The following TCF20 variants were observed in gnomAD, a reference collection of about 807,000 sequenced individuals.
TCF20 encodes the protein SPRE-binding protein.
Under a neutral mutation model 148.6 loss-of-function variants are expected in TCF20, and 3 were observed. The observed-to-expected ratio is 0.02, with a 90% CI of 0.01 to 0.05. TCF20 has a LOEUF of 0.05. Among genes scored for constraint, TCF20 ranks in the 10% least tolerant of loss-of-function variants. The probability of loss-of-function intolerance (pLI) is 1.00; values close to 1 mark genes in which losing one functional copy is unlikely to be tolerated. For synonymous variants in TCF20, 1,049 were observed against 909.5 expected (o/e 1.15, Z -2.76); for missense variants, 2,350 against 2,429.3 (o/e 0.97, Z 0.69).
At chr22:42,284,765 G>A (rs575064808), upstream of TCF20, among the ~76,000 whole-genome samples, 16 of 152,324 alleles carry the variant, frequency 1.1e-4, no homozygotes, top group African/African-American at 3.6e-4. Context: ...CAACAGCAGC[G>A]TCCGTTCCGA....
At chr22:42,197,232 T>C (rs999272049) in intron 2 of TCF20, among the ~76,000 whole-genome samples, 2 of 152,198 alleles carry the variant, frequency 1.3e-5, no homozygotes, top group African/African-American at 4.8e-5. Context: ...AGGAATAGTT[T>C]AGCCTCCACC....
At chr22:42,199,382 C>G (rs930998830) in intron 2 of TCF20, among the ~76,000 whole-genome samples, 1 of 152,084 alleles carries the variant, frequency 6.6e-6, no homozygotes, top group Admixed American at 6.6e-5. Flanking sequence ...TGTGGTAGCA[C>G]TTTGCCTAGC....
At chr22:42,238,960 A>T (rs141599201) in intron 1 of TCF20, among the ~76,000 whole-genome samples, 1 of 103,032 alleles carries the variant, frequency 9.7e-6, no homozygotes, top group Non-Finnish European at 2.3e-5. Flanking sequence ...TACTAAAAAT[A>T]CAAAAAAATT....
At chr22:42,167,401 C>T (rs1935853326) in intron 5 of TCF20, among the ~76,000 whole-genome samples, 1 of 152,216 alleles carries the variant, frequency 6.6e-6, no homozygotes, top group Non-Finnish European at 1.5e-5. Context: ...CTGTGTGAGT[C>T]AAACTCCTGA....
intron 5 of TCF20, among the ~76,000 whole-genome samples, chr22:42,167,771 A>C (rs1935877909): frequency 6.6e-6 from 1 of 152,070 alleles, no homozygotes; most frequent in Non-Finnish European, 1.5e-5. Flanking sequence ...CCAGGCTGGA[A>C]TGTAGCGGCA....
intron 2 of TCF20, among the ~76,000 whole-genome samples, chr22:42,199,478 A>G (rs1460453492): frequency 6.6e-6 from 1 of 152,142 alleles, no homozygotes; most frequent in African/African-American, 2.4e-5. Context: ...GGTTTTCTTC[A>G]GGCCCATAAA....
At chr22:42,289,126 C>T (rs568282792) in intron 1 of TCF20, among the ~76,000 whole-genome samples, 1 of 152,366 alleles carries the variant, frequency 6.6e-6, no homozygotes, top group East Asian at 1.9e-4. Flanking sequence ...ACATCACCAC[C>T]AGTTTCACCT....
At chr22:42,233,751 G>A (rs1034883286) in intron 1 of TCF20, among the ~76,000 whole-genome samples, 1 of 152,150 alleles carries the variant, frequency 6.6e-6, no homozygotes, top group African/African-American at 2.4e-5. Context: ...TAATCTGTGA[G>A]GAAAATTAAT....
At chr22:42,172,582 A>G (rs1450092563) in intron 3 of TCF20, among the ~76,000 whole-genome samples, 1 of 152,224 alleles carries the variant, frequency 6.6e-6, no homozygotes, top group Non-Finnish European at 1.5e-5. Flanking sequence ...AGAGAAGGCC[A>G]CTTTCATTTC....
chr22:42,203,929 G>C (rs1461467724), intron 2 of TCF20, among the ~76,000 whole-genome samples: 9 of 152,190 alleles, frequency 5.9e-5, no homozygotes, highest in Non-Finnish European at 1.0e-4. Flanking sequence ...CCAGGCCCTG[G>C]AAATGACCAC....
chr22:42,267,774 G>C (rs187532535), intron 1 of TCF20, among the ~76,000 whole-genome samples: 21 of 152,264 alleles, frequency 1.4e-4, no homozygotes, highest in African/African-American at 5.1e-4. Flanking sequence ...CTACCAAACT[G>C]TCTCCGAAGT....
At chr22:42,235,857 C>T (rs1007666005) in intron 1 of TCF20, among the ~76,000 whole-genome samples, 18 of 152,158 alleles carry the variant, frequency 1.2e-4, no homozygotes, top group Non-Finnish European at 2.5e-4. Flanking sequence ...AGAATTACCA[C>T]CCTCTTTCCC....
chr22:42,213,336 G>C lies in TCF20; in HGVS notation c.1970C>G (p.Pro657Arg). The C allele has an allele frequency of 6.2e-7, 1 of 1,614,112 alleles. No homozygotes were observed. The highest frequency in any genetic ancestry group is 8.5e-7 in the Non-Finnish European group (1 of 1,180,024). Reference protein sequence around the residue: ...TSHASLPQPEPPGGGGSKGNK... With the variant: ...TSHASLPQPERPGGGGSKGNK... ...TCCTTTGCTCCCTCCTCCTCCTGGA[G>C]GCTCTGGCTGGGGAAGTGATGCATG... is the stretch of plus-strand genomic sequence containing the variant. Residue 657 changes from proline (P) to arginine (R), a missense_variant, in exon 2 of 6, where the codon CCT (proline) becomes CGT (arginine). Physicochemically the swap from Pro to Arg is moderately radical, Grantham distance 103. Transcript: ENST00000677622.
At chr22:42,263,142 CAA>C (rs1256443582) in intron 1 of TCF20, among the ~76,000 whole-genome samples, 1 of 152,174 alleles carries the variant, frequency 6.6e-6, no homozygotes, top group Non-Finnish European at 1.5e-5. Context: ...GGCAAAATGC[CAA>C]AAGTCACTGA....
chr22:42,242,218 A>AAAAAACAAAAC (rs1924485187), intron 1 of TCF20, among the ~76,000 whole-genome samples: 1 of 142,586 alleles, frequency 7.0e-6, no homozygotes, highest in African/African-American at 2.8e-5. Flanking sequence ...AAAAAAAAAA[A>AAAAAACAAAAC]AAAAAAAAAC....
intron 1 of TCF20, among the ~76,000 whole-genome samples, chr22:42,334,408 C>A (rs1228058831): frequency 6.6e-6 from 1 of 152,186 alleles, no homozygotes; most frequent in African/African-American, 2.4e-5. Flanking sequence ...AGCCCCTGGG[C>A]ACAACTCAGT....
In TCF20 at chr22:42,299,859, G is replaced by A. The variant is rs1229854550; in HGVS notation, c.-37+43620C>T. 6.6e-6 allele frequency among the ~76,000 whole-genome samples: 1 copy of A among 151,036 alleles called. No homozygotes were observed. The highest frequency in any genetic ancestry group is 2.4e-5 in the African/African-American group (1 of 41,020). Reference sequence around the variant, plus strand: ...GGAGAAGGAAGCGGAGGGGAGGAGGGAGGAGGGAAAAGACAGAAAGGGGTA... The same window carrying A: ...GGAGAAGGAAGCGGAGGGGAGGAGGAAGGAGGGAAAAGACAGAAAGGGGTA... On this transcript the variant is annotated intron_variant, in intron 1 of 1. Transcript: ENST00000515426. This position sits in a 1 kb window ranked among gnomAD's most constrained non-coding sequence, Gnocchi z 4.1.
intron 5 of TCF20, among the ~76,000 whole-genome samples, 199 bp from the exon 6 acceptor site, chr22:42,161,557 A>C (rs1487156336): frequency 6.6e-6 from 1 of 152,104 alleles, no homozygotes; most frequent in Admixed American, 6.5e-5. Flanking sequence ...AATGTGATTA[A>C]AGGCAGCAAT....
At chr22:42,234,862 G>A (rs893373109) in intron 1 of TCF20, among the ~76,000 whole-genome samples, 2 of 152,108 alleles carry the variant, frequency 1.3e-5, no homozygotes, top group African/African-American at 4.8e-5. Flanking sequence ...ACTTTGTGCC[G>A]GGTGCAGTGG....
Sources: allele counts gnomAD v4.1 joint callset (sites outside exome capture counted in the v4.1 genomes callset), GRCh38; gene constraint gnomAD v4.1.1; non-coding constraint Gnocchi (gnomAD v3.1); transcripts MANE v1.5; gene names NCBI Gene and HGNC (gene_info 2026-07-23, HGNC 2026-07-21).